The following SPAG16 variants were observed in gnomAD, a reference collection of about 807,000 sequenced individuals.
The protein encoded by SPAG16 is sperm associated antigen 16.
A neutral mutation model predicts 80.4 loss-of-function variants in SPAG16; 86 were observed. That is an observed-to-expected ratio of 1.07 (90% CI 0.90 to 1.28). SPAG16 has a LOEUF of 1.28. Among genes scored for constraint, SPAG16 ranks in the 50% most tolerant of loss-of-function variants. The probability of loss-of-function intolerance (pLI) is 0.00; values close to 1 mark genes in which losing one functional copy is unlikely to be tolerated. For synonymous variants in SPAG16, 294 were observed against 265.9 expected (o/e 1.11, Z -1.03); for missense variants, 870 against 765.3 (o/e 1.14, Z -1.61).
chr2:213,637,199 CTATT>C (rs1191325037), intron 10 of SPAG16, among the ~76,000 whole-genome samples: 1 of 152,156 alleles, frequency 6.6e-6, no homozygotes, highest in Non-Finnish European at 1.5e-5. Flanking sequence ...TTTTCTGTAT[CTATT>C]GAGATAATCA....
chr2:213,870,897 C>T (rs1013911902), intron 11 of SPAG16, among the ~76,000 whole-genome samples: 1 of 152,080 alleles, frequency 6.6e-6, no homozygotes, highest in Non-Finnish European at 1.5e-5. Context: ...ATCTTTGTAT[C>T]CCTGGGACAC....
At chr2:214,029,738 C>T (rs1016704235) in intron 13 of SPAG16, among the ~76,000 whole-genome samples, 2 of 152,018 alleles carry the variant, frequency 1.3e-5, no homozygotes, top group Admixed American at 6.6e-5. Context: ...TTCAAAGAAG[C>T]GACAAATTAC....
At chr2:213,954,692 A>G (rs72950751) in intron 12 of SPAG16, among the ~76,000 whole-genome samples, 24,412 of 152,068 alleles carry the variant, frequency 0.16, 2,233 homozygotes, top group Non-Finnish European at 0.21. Flanking sequence ...GAATTGCTGG[A>G]TCCCACAGTG....
At chr2:213,409,983 G>T (rs1392189277) in intron 9 of SPAG16, among the ~76,000 whole-genome samples, 1 of 152,028 alleles carries the variant, frequency 6.6e-6, no homozygotes, top group Admixed American at 6.5e-5. Flanking sequence ...CCAGCCTGAA[G>T]ATCACGTTCT....
intron 12 of SPAG16, among the ~76,000 whole-genome samples, chr2:213,994,534 T>TTATTCACATAG (rs1429957314): frequency 6.6e-6 from 1 of 151,988 alleles, no homozygotes; most frequent in Non-Finnish European, 1.5e-5. Context: ...AGTTCAGTTA[T>TTATTCACATAG]TATTCACATA....
intron 10 of SPAG16, among the ~76,000 whole-genome samples, chr2:213,724,582 A>G (rs2066669640): frequency 6.6e-6 from 1 of 151,636 alleles, no homozygotes; most frequent in South Asian, 2.1e-4. Context: ...GTTCGAGACC[A>G]TCCTGGCCAA....
At chr2:214,241,926 T>G (rs1386155749) in intron 15 of SPAG16, among the ~76,000 whole-genome samples, 2 of 152,172 alleles carry the variant, frequency 1.3e-5, no homozygotes, top group African/African-American at 4.8e-5. Context: ...AGTCTGCTAA[T>G]AGTATTGAAA....
intron 11 of SPAG16, among the ~76,000 whole-genome samples, chr2:213,906,145 C>T (rs1007883081): frequency 8.6e-5 from 13 of 151,886 alleles, no homozygotes; most frequent in Non-Finnish European, 1.6e-4. Flanking sequence ...CCCACCCCCA[C>T]CTCCCTGCCA....
chr2:213,316,784 CAGTCA>C, intron 4 of SPAG16, among the ~76,000 whole-genome samples: 1 of 152,014 alleles, frequency 6.6e-6, no homozygotes, highest in African/African-American at 2.4e-5. Context: ...ATCACTTTGT[CAGTCA>C]TGTTTGTCAT....
chr2:214,354,184 A>C (rs1007772623), intron 15 of SPAG16, among the ~76,000 whole-genome samples: 4 of 152,160 alleles, frequency 2.6e-5, no homozygotes, highest in African/African-American at 9.6e-5. Flanking sequence ...TATAAGGTGT[A>C]AGGAAGGGAT....
At chr2:214,160,538 T>C (rs1485197308) in intron 15 of SPAG16, among the ~76,000 whole-genome samples, 1 of 152,000 alleles carries the variant, frequency 6.6e-6, no homozygotes, top group African/African-American at 2.4e-5. Context: ...TACTTCTCAG[T>C]ATGTGATAAA....
intron 13 of SPAG16, among the ~76,000 whole-genome samples, chr2:214,051,108 C>T (rs2049619438): frequency 6.6e-6 from 1 of 152,130 alleles, no homozygotes; most frequent in Admixed American, 6.5e-5. Flanking sequence ...TTTAATTAAG[C>T]TCTAAGAATA....
intron 10 of SPAG16, among the ~76,000 whole-genome samples, chr2:213,702,720 C>G (rs930526173): frequency 6.6e-6 from 1 of 152,116 alleles, no homozygotes; most frequent in African/African-American, 2.4e-5. Context: ...CAGTGAATTA[C>G]AAGGGAGTGT....
At chr2:214,379,916 G>A (rs78457954) in intron 15 of SPAG16, among the ~76,000 whole-genome samples, 12 of 152,256 alleles carry the variant, frequency 7.9e-5, no homozygotes, top group Admixed American at 4.6e-4. Flanking sequence ...ACCCCAACTC[G>A]TGTATATAGC....
intron 14 of SPAG16, among the ~76,000 whole-genome samples, chr2:214,147,510 A>G (rs1484469967): frequency 2.0e-5 from 3 of 152,150 alleles, no homozygotes; most frequent in Non-Finnish European, 4.4e-5. Flanking sequence ...CCCAAAATTG[A>G]AAAAAATTTC....
intron 14 of SPAG16, among the ~76,000 whole-genome samples, chr2:214,115,327 T>C (rs916169043): frequency 6.6e-6 from 1 of 152,222 alleles, no homozygotes; most frequent in Admixed American, 6.5e-5. Flanking sequence ...AAAAAATCCA[T>C]ATGTGGTACA....
intron 9 of SPAG16, among the ~76,000 whole-genome samples, chr2:213,473,011 T>C (rs924785880): frequency 2.6e-5 from 4 of 152,210 alleles, no homozygotes; most frequent in African/African-American, 7.2e-5. Context: ...AAGGGTTCTG[T>C]GTCTGTAAAC....
chr2:213,702,690 G>C (rs1386231499), intron 10 of SPAG16, among the ~76,000 whole-genome samples: 2 of 152,090 alleles, frequency 1.3e-5, no homozygotes, highest in South Asian at 4.1e-4. Context: ...TAGAAGCTGA[G>C]ACCTCAAAAT....
chr2:213,959,437 A>G (rs1457060918), intron 12 of SPAG16, among the ~76,000 whole-genome samples: 1 of 152,148 alleles, frequency 6.6e-6, no homozygotes, highest in Non-Finnish European at 1.5e-5. Context: ...GGTTGTTTAG[A>G]TATAGCCTGT....
Sources: allele counts gnomAD v4.1 joint callset (sites outside exome capture counted in the v4.1 genomes callset), GRCh38; gene constraint gnomAD v4.1.1; transcripts MANE v1.5; gene names NCBI Gene and HGNC (gene_info 2026-07-23, HGNC 2026-07-21).